The following ITCH variants were observed in gnomAD, a reference collection of about 807,000 sequenced individuals.
ITCH encodes the protein E3 ubiquitin-protein ligase Itchy homolog.
ITCH carries 28 observed loss-of-function variants against 126.8 expected under a neutral mutation model. The ratio of observed to expected loss-of-function variants is 0.22; its 90% CI spans 0.16 to 0.30. ITCH has a LOEUF of 0.30. Among genes scored for constraint, ITCH ranks in the 10% least tolerant of loss-of-function variants. ITCH has a pLI of 1.00. For synonymous variants in ITCH, 342 were observed against 340.0 expected (o/e 1.01, Z -0.06); for missense variants, 631 against 1,032.4 (o/e 0.61, Z 5.33).
At chr20:34,409,559 C>T (rs970002265) in intron 4 of ITCH, among the ~76,000 whole-genome samples, 3 of 152,126 alleles carry the variant, frequency 2.0e-5, no homozygotes, top group Non-Finnish European at 4.4e-5. Flanking sequence ...GTACTTAACA[C>T]TAATATCATG....
intron 2 of ITCH, among the ~76,000 whole-genome samples, chr20:34,373,559 C>T (rs779826284): frequency 1.1e-4 from 16 of 152,120 alleles, no homozygotes; most frequent in Non-Finnish European, 1.2e-4. Flanking sequence ...TATAGGCATT[C>T]GGCCTAACAT....
rs386393666 is a variant in ITCH at position 34,499,272 on chromosome 20, C to CTTTTTTTTTTT, written c.2417-5035_2417-5025dup. The stretch of plus-strand genomic sequence containing the variant: ...TACAGGCGTGAGCCACTGTGCCCAG[C>CTTTTTTTTTTT]TTTTTTTTTTTTTTTTTTTTTTTTT... On this transcript the variant is annotated intron_variant, in intron 23 of 24. Transcript: ENST00000374864. 1.7e-4 allele frequency among the ~76,000 whole-genome samples: 4 copies of CTTTTTTTTTTT among 23,028 alleles called. 1 individual carries two copies. The highest frequency in any genetic ancestry group is 4.8e-4 in the African/African-American group (3 of 6,294). The allele number at this position is 23,028 out of a possible 152,430, so 15.1% of individuals were successfully genotyped here.
chr20:34,419,468 G>A (rs1285516379), intron 6 of ITCH, among the ~76,000 whole-genome samples: 3 of 149,876 alleles, frequency 2.0e-5, no homozygotes, highest in African/African-American at 7.3e-5. Flanking sequence ...TGAGCTCTAT[G>A]AAAATATCAG....
chr20:34,427,010 G>A (rs962237934), intron 7 of ITCH, among the ~76,000 whole-genome samples: 1 of 151,988 alleles, frequency 6.6e-6, no homozygotes, highest in African/African-American at 2.4e-5. Context: ...TTCTGACTTC[G>A]TGATCTGCCT....
At chr20:34,427,638 TA>T (rs1981725074) in intron 7 of ITCH, among the ~76,000 whole-genome samples, 3 of 152,148 alleles carry the variant, frequency 2.0e-5, no homozygotes, top group Admixed American at 2.0e-4. Context: ...AGGACAGGTT[TA>T]AAAAATTACA....
chr20:34,463,971 TTTTTC>T (rs950045952), intron 14 of ITCH, among the ~76,000 whole-genome samples: 1 of 151,844 alleles, frequency 6.6e-6, no homozygotes, highest in Non-Finnish European at 1.5e-5. Context: ...ATTTGTCAAT[TTTTTC>T]TTTTCTTTTC....
chr20:34,417,955 T>C (rs1011054473), intron 6 of ITCH, among the ~76,000 whole-genome samples: 2 of 151,562 alleles, frequency 1.3e-5, no homozygotes, highest in African/African-American at 4.8e-5. Flanking sequence ...GAAAAATGCA[T>C]TTTACTTTCA....
intron 21 of ITCH, 45 bp downstream of exon 21, chr20:34,489,431 T>C: frequency 6.4e-7 from 1 of 1,566,098 alleles, no homozygotes; most frequent in Non-Finnish European, 8.8e-7. Context: ...TAGTAAATAA[T>C]GCCTTAAGTT....
chr20:34,396,144 A>G (rs931609242), intron 3 of ITCH, among the ~76,000 whole-genome samples: 17 of 150,702 alleles, frequency 1.1e-4, no homozygotes, highest in African/African-American at 4.1e-4. Flanking sequence ...AGTGATTCTC[A>G]TGCCTCAGTC....
intron 7 of ITCH, among the ~76,000 whole-genome samples, chr20:34,431,234 C>T (rs938490422): frequency 2.6e-5 from 4 of 151,878 alleles, no homozygotes; most frequent in South Asian, 2.1e-4. Flanking sequence ...AGGGACAAAG[C>T]GAGACCCCAT....
chr20:34,419,397 C>T (rs1980430357), intron 6 of ITCH, among the ~76,000 whole-genome samples: 1 of 151,840 alleles, frequency 6.6e-6, no homozygotes, highest in African/African-American at 2.4e-5. Context: ...TTTGTCATTT[C>T]TGTGGTCTTT....
rs368353835 is a variant in ITCH, at chr20:34,440,218, C to T, written c.743C>T (p.Pro248Leu). The change falls in exon 9 of 25, where the codon CCG (proline) becomes CTG (leucine). Residue 248 changes from proline (P) to leucine (L), a missense_variant. Physicochemically the swap from Pro to Leu is moderately conservative, Grantham distance 98. Coordinates refer to ENST00000374864, the MANE Select transcript of ITCH (RefSeq NM_031483.7). ...ESDGSSTGSL[P>L]PTNTNTNTSE... ...GATGGGTCTAGTACAGGCTCTCTGC[C>T]GCCGACAAATACAAATACAAATACA... 30 of 1,613,396 alleles carry T rather than the reference C, an allele frequency of 1.9e-5. No homozygotes were observed. Among genetic ancestry groups the T allele is most frequent in the South Asian group, 1.1e-4 (10 of 91,056 alleles).
intron 3 of ITCH, among the ~76,000 whole-genome samples, chr20:34,400,758 C>CTTAT (rs940094784): frequency 2.0e-5 from 3 of 149,602 alleles, no homozygotes; most frequent in East Asian, 2.0e-4. Flanking sequence ...CCCTTACCTA[C>CTTAT]TTATTTATTT....
chr20:34,463,886 C>G lies in ITCH; in HGVS notation c.1424+1665C>G, dbSNP rs1019120965. 2.0e-5 allele frequency among the ~76,000 whole-genome samples: 3 copies of G among 151,400 alleles called. No homozygotes were observed. In the South Asian group the frequency reaches 6.2e-4, roughly 32 times the overall value. ...CAAATACATGATTTGCAATTATTTT[C>G]TCCCATTCTGTGGTTTCCTTTTTAC... On this transcript the variant is annotated intron_variant, in intron 14 of 24. Coordinates refer to ENST00000374864, the MANE Select transcript of ITCH (RefSeq NM_031483.7).
chr20:34,391,407 A>G (rs1254032738), intron 2 of ITCH, among the ~76,000 whole-genome samples: 1 of 152,066 alleles, frequency 6.6e-6, no homozygotes, highest in Admixed American at 6.6e-5. Flanking sequence ...TGGGGTGATC[A>G]TTTTGTGATC....
intron 23 of ITCH, 124 bp from the exon 24 acceptor site, chr20:34,504,207 G>A (rs2146568024): frequency 8.0e-6 from 6 of 750,668 alleles, no homozygotes; most frequent in South Asian, 7.2e-5. Flanking sequence ...GTAAGATGAT[G>A]TGTGGGGCCT....
chr20:34,373,770 A>G (rs1447674393), intron 2 of ITCH, among the ~76,000 whole-genome samples: 1 of 152,210 alleles, frequency 6.6e-6, no homozygotes, highest in Non-Finnish European at 1.5e-5. Context: ...ATTCATCTAC[A>G]TATTGAGCTT....
At chr20:34,376,639 G>A (rs2037857070) in intron 2 of ITCH, among the ~76,000 whole-genome samples, 1 of 152,014 alleles carries the variant, frequency 6.6e-6, no homozygotes, top group Non-Finnish European at 1.5e-5. Flanking sequence ...AATTTTAGAG[G>A]ATTTGTGTGA....
chr20:34,487,770 C>A (rs1047031944), intron 20 of ITCH, among the ~76,000 whole-genome samples: 1 of 152,048 alleles, frequency 6.6e-6, no homozygotes, highest in Admixed American at 6.6e-5. Flanking sequence ...GAAACCCCGT[C>A]TCTACTAAAA....
Sources: allele counts gnomAD v4.1 joint callset (sites outside exome capture counted in the v4.1 genomes callset), GRCh38; gene constraint gnomAD v4.1.1; transcripts MANE v1.5; gene names NCBI Gene and HGNC (gene_info 2026-07-23, HGNC 2026-07-21).